PHACTR1: variants seen among roughly 807,000 people sequenced by gnomAD.
The protein encoded by PHACTR1 is RPEL repeat containing 1.
A neutral mutation model predicts 69.2 loss-of-function variants in PHACTR1; 16 were observed. The ratio of observed to expected loss-of-function variants is 0.23; its 90% CI spans 0.16 to 0.35. The LOEUF (loss-of-function observed/expected upper bound fraction) is 0.35, where lower values mean the gene tolerates loss of function less well. Ranked by LOEUF, PHACTR1 falls within the 10% of genes least tolerant of loss-of-function variation. The pLI, the probability that PHACTR1 is intolerant of heterozygous loss-of-function variation, is 1.00. For missense variants in PHACTR1, 510 were observed against 734.7 expected (o/e 0.69, Z 3.54); for synonymous variants, 312 against 284.5 (o/e 1.10, Z -0.97).
chr6:12,974,046 C>T (rs1450853304), intron 4 of PHACTR1, among the ~76,000 whole-genome samples: 1 of 151,580 alleles, frequency 6.6e-6, no homozygotes, highest in African/African-American at 2.4e-5. Context: ...CTCAGCCTCC[C>T]GAGTAACTGG....
intron 7 of PHACTR1, among the ~76,000 whole-genome samples, chr6:13,204,304 G>A (rs896985543): frequency 6.6e-6 from 1 of 152,106 alleles, no homozygotes; most frequent in African/African-American, 2.4e-5. Context: ...GGAAGGCCAC[G>A]TTCAAGGCAG....
At chr6:12,946,848 T>G (rs1032951442) in intron 4 of PHACTR1, among the ~76,000 whole-genome samples, 2 of 137,834 alleles carry the variant, frequency 1.5e-5, no homozygotes, top group African/African-American at 2.8e-5. Context: ...AGTCTTGCTC[T>G]GTCGCTCAGG....
At chr6:13,055,304 G>A (rs1198839212) in intron 5 of PHACTR1, among the ~76,000 whole-genome samples, 1 of 152,132 alleles carries the variant, frequency 6.6e-6, no homozygotes, top group African/African-American at 2.4e-5. Context: ...TCCTTAAGGT[G>A]TCGCAAAACC....
rs539311250 is a variant in PHACTR1, at chr6:13,194,482, A to G, written c.665-11333A>G. 9.0e-3 allele frequency among the ~76,000 whole-genome samples: 1,006 copies of G among 112,184 alleles called. 14 individuals carry two copies. The highest frequency in any genetic ancestry group is 0.038 in the African/African-American group (940 of 24,964). The allele number at this position is 112,184 out of a possible 152,430, so 73.6% of individuals were successfully genotyped here. ...TGAATACTGTGTAATTTTATTGAAG[A>G]AAAAAAAAAAAACTAACTGAATTAC... On this transcript the variant is annotated intron_variant, in intron 7 of 14. Coordinates refer to ENST00000332995, the MANE Select transcript of PHACTR1 (RefSeq NM_030948.6).
chr6:12,901,118 A>T (rs1785140468), intron 4 of PHACTR1, among the ~76,000 whole-genome samples: 1 of 152,072 alleles, frequency 6.6e-6, no homozygotes, highest in Non-Finnish European at 1.5e-5. Context: ...AAGTAAAGAA[A>T]TAAGGAGCAC....
intron 4 of PHACTR1, among the ~76,000 whole-genome samples, chr6:12,921,996 G>A (rs1787773729): frequency 1.3e-5 from 2 of 152,210 alleles, no homozygotes; most frequent in South Asian, 4.1e-4. Context: ...GATGGTGCCT[G>A]TGCTATCCAC....
At position 13,236,633 on chromosome 6, in the gene PHACTR1, TC is replaced by T. The variant is rs546061353; in HGVS notation, c.1391+6444del. The stretch of plus-strand genomic sequence containing the variant: ...CTGTGTGTATCTCTGTGTTCAGATT[TC>T]CCCTTTCTATAAGGACACCAGTTAT... On this transcript the variant is annotated intron_variant, in intron 10 of 14. Coordinates refer to ENST00000332995, the MANE Select transcript of PHACTR1 (RefSeq NM_030948.6). Among the ~76,000 whole-genome samples, 815 of 152,220 alleles carry T rather than the reference TC, an allele frequency of 5.4e-3. 13 individuals are homozygous for T. The highest frequency in any genetic ancestry group is 0.019 in the African/African-American group (782 of 41,524).
Position 12,874,835 on chromosome 6 carries a change from T to G in PHACTR1, c.250+125045T>G, listed in dbSNP as rs1167329916. ...AAATAAGAAAACGCACCTGAATGAC[T>G]TAACATATGCTTTGCTTATGTCAGC... is the stretch of plus-strand genomic sequence containing the variant. On this transcript the variant is annotated intron_variant, in intron 4 of 14. Coordinates refer to ENST00000332995, the MANE Select transcript of PHACTR1 (RefSeq NM_030948.6). 3.3e-5 allele frequency among the ~76,000 whole-genome samples: 5 copies of G among 152,314 alleles called. No homozygotes were observed. In the East Asian group the frequency reaches 9.7e-4, roughly 29 times the overall value.
chr6:13,278,713 T>C (rs1402096206), intron 12 of PHACTR1, among the ~76,000 whole-genome samples: 2 of 152,214 alleles, frequency 1.3e-5, no homozygotes, highest in Non-Finnish European at 2.9e-5. Flanking sequence ...AACCCAGCAC[T>C]TTGGGAGGCC....
chr6:12,834,104 A>G (rs2127732962), intron 4 of PHACTR1, among the ~76,000 whole-genome samples: 1 of 152,316 alleles, frequency 6.6e-6, no homozygotes, highest in South Asian at 2.1e-4. Flanking sequence ...CTCTGAAATC[A>G]TAATTTTATA....
intron 5 of PHACTR1, among the ~76,000 whole-genome samples, chr6:13,149,748 CACATGCAGCCCAAG>C (rs1282869525): frequency 2.6e-5 from 4 of 152,050 alleles, no homozygotes; most frequent in Non-Finnish European, 5.9e-5. Flanking sequence ...GCCCCTGGGC[CACATGCAGCCCAAG>C]ACAGCTTTGA....
intron 5 of PHACTR1, among the ~76,000 whole-genome samples, chr6:13,139,582 G>A (rs1217171867): frequency 6.6e-6 from 1 of 152,096 alleles, no homozygotes; most frequent in Non-Finnish European, 1.5e-5. Flanking sequence ...ATTGTTTCAA[G>A]CCCCAGTGAA....
At chr6:13,011,238 G>A (rs1398417261) in intron 4 of PHACTR1, among the ~76,000 whole-genome samples, 2 of 152,218 alleles carry the variant, frequency 1.3e-5, no homozygotes, top group Non-Finnish European at 2.9e-5. Context: ...GCCACATGCG[G>A]CCACTGAGCA....
At chr6:12,810,259 G>C (rs1774871712) in intron 4 of PHACTR1, among the ~76,000 whole-genome samples, 1 of 152,130 alleles carries the variant, frequency 6.6e-6, no homozygotes, top group African/African-American at 2.4e-5. Context: ...GAGACAAAGG[G>C]GCCAAAATTG....
chr6:12,907,557 T>A (rs1279390386), intron 4 of PHACTR1, among the ~76,000 whole-genome samples: 1 of 152,240 alleles, frequency 6.6e-6, no homozygotes, highest in Non-Finnish European at 1.5e-5. Context: ...TCTAGAAATT[T>A]CATTAATTTT....
intron 5 of PHACTR1, among the ~76,000 whole-genome samples, chr6:13,139,262 T>C (rs752612625): frequency 2.0e-5 from 3 of 152,140 alleles, no homozygotes; most frequent in Non-Finnish European, 4.4e-5. Context: ...ACTGCATATT[T>C]TTGTAAATAA....
chr6:12,847,072 C>T (rs1039133798), intron 4 of PHACTR1, among the ~76,000 whole-genome samples: 3 of 152,170 alleles, frequency 2.0e-5, no homozygotes, highest in African/African-American at 7.2e-5. Flanking sequence ...CCGCGTTGGC[C>T]TCCCAAAGGG....
At chr6:13,280,866 ACAGCCAGCAC>A (rs1780011351) in intron 12 of PHACTR1, 1 of 952,580 alleles carries the variant, frequency 1.0e-6, no homozygotes, top group African/African-American at 1.7e-5. Flanking sequence ...CCCGAAGGCT[ACAGCCAGCAC>A]CAGGCCAAAG....
intron 4 of PHACTR1, among the ~76,000 whole-genome samples, chr6:12,946,310 A>T (rs563583457): frequency 4.5e-4 from 69 of 152,268 alleles, no homozygotes; most frequent in African/African-American, 1.6e-3. Flanking sequence ...CATGCTAAAC[A>T]ACTTGAACAT....
Sources: allele counts gnomAD v4.1 joint callset (sites outside exome capture counted in the v4.1 genomes callset), GRCh38; gene constraint gnomAD v4.1.1; transcripts MANE v1.5; gene names NCBI Gene and HGNC (gene_info 2026-07-23, HGNC 2026-07-21).